SORCS1: variants seen among roughly 807,000 people sequenced by gnomAD.
The protein encoded by SORCS1 is sortilin related VPS10 domain containing receptor 1.
A neutral mutation model predicts 146.1 loss-of-function variants in SORCS1; 60 were observed. The observed-to-expected ratio is 0.41, with a 90% CI of 0.33 to 0.51. The LOEUF is 0.51. Ranked by LOEUF, SORCS1 falls within the 20% of genes least tolerant of loss-of-function variation. SORCS1 has a pLI of 0.21. For missense variants in SORCS1, 1,352 were observed against 1,487.6 expected (o/e 0.91, Z 1.50); for synonymous variants, 637 against 584.0 (o/e 1.09, Z -1.31).
intron 2 of SORCS1, among the ~76,000 whole-genome samples, chr10:106,880,097 G>A (rs1450035858): frequency 6.6e-6 from 1 of 152,202 alleles, no homozygotes; most frequent in African/African-American, 2.4e-5. Flanking sequence ...GGTGGCTAAG[G>A]TGCCTGGAAC....
chr10:106,937,589 C>A (rs1402358208), intron 2 of SORCS1, among the ~76,000 whole-genome samples: 6 of 152,130 alleles, frequency 3.9e-5, no homozygotes, highest in Non-Finnish European at 8.8e-5. Context: ...TGAAGCCTCC[C>A]CAACCATGTG....
intron 2 of SORCS1, among the ~76,000 whole-genome samples, chr10:106,918,054 T>TA (rs1015619570): frequency 8.6e-5 from 13 of 151,844 alleles, no homozygotes; most frequent in Admixed American, 2.0e-4. Flanking sequence ...CATTGTAACT[T>TA]AAAAAAAAAT....
chr10:106,999,084 T>C (rs943706701), intron 1 of SORCS1, among the ~76,000 whole-genome samples: 1 of 152,160 alleles, frequency 6.6e-6, no homozygotes, highest in Non-Finnish European at 1.5e-5. Flanking sequence ...AGACAGGTCC[T>C]AAAATGCCTT....
chr10:106,931,905 C>A (rs192818130), intron 2 of SORCS1, among the ~76,000 whole-genome samples: 3 of 152,130 alleles, frequency 2.0e-5, no homozygotes, highest in Non-Finnish European at 4.4e-5. Context: ...GAGATAAATG[C>A]ACTGCAAATG....
chr10:107,039,518 T>C (rs1959069896), intron 1 of SORCS1, among the ~76,000 whole-genome samples: 1 of 152,174 alleles, frequency 6.6e-6, no homozygotes, highest in Non-Finnish European at 1.5e-5. Flanking sequence ...TCTGATTCTT[T>C]CCTGCTTCTC....
At chr10:106,620,248 C>CAGAG (rs112818359) in intron 20 of SORCS1, 180 bp downstream of exon 20, 39 of 586,640 alleles carry the variant, frequency 6.6e-5, no homozygotes, top group African/African-American at 7.7e-5. Flanking sequence ...GGAGAGGGGC[C>CAGAG]AGAGAGAGAG....
intron 1 of SORCS1, among the ~76,000 whole-genome samples, chr10:107,075,082 G>T (rs1175978172): frequency 6.6e-6 from 1 of 152,008 alleles, no homozygotes; most frequent in Non-Finnish European, 1.5e-5. Flanking sequence ...AGATACATTT[G>T]CATGGAAAAA....
At chr10:106,633,666 TAAACAAAC>T (rs143314581) in intron 18 of SORCS1, among the ~76,000 whole-genome samples, 34,244 of 151,846 alleles carry the variant, frequency 0.23, 4,709 homozygotes, top group East Asian at 0.51. Flanking sequence ...GATAGTAGAT[TAAACAAAC>T]AAACAAACAA....
At chr10:106,605,217 G>T (rs1242017191) in intron 23 of SORCS1, among the ~76,000 whole-genome samples, 3 of 152,212 alleles carry the variant, frequency 2.0e-5, no homozygotes, top group Non-Finnish European at 4.4e-5. Context: ...GAAACACCCA[G>T]AAGAGACAGA....
chr10:106,922,743 T>C (rs532492862), intron 2 of SORCS1, among the ~76,000 whole-genome samples: 4 of 130,638 alleles, frequency 3.1e-5, no homozygotes, highest in African/African-American at 1.1e-4. Context: ...CCTAGACTTA[T>C]ATATTCTACA....
chr10:107,137,379 ACT>A (rs1304345954), intron 1 of SORCS1, among the ~76,000 whole-genome samples: 1 of 151,770 alleles, frequency 6.6e-6, no homozygotes, highest in Non-Finnish European at 1.5e-5. Context: ...TTCTGACCAG[ACT>A]CTGCATCCTC....
intron 1 of SORCS1, among the ~76,000 whole-genome samples, chr10:106,976,339 T>TTTTTGTTTTTG (rs1554901382): frequency 9.9e-5 from 14 of 140,856 alleles, no homozygotes; most frequent in African/African-American, 3.1e-4. Context: ...TTTTGTTTTT[T>TTTTTGTTTTTG]TTTTTTTTTT....
chr10:106,986,516 G>C (rs1034360319), intron 1 of SORCS1, among the ~76,000 whole-genome samples: 3 of 16,486 alleles, frequency 1.8e-4, no homozygotes, highest in Admixed American at 3.8e-4. Flanking sequence ...ACAACCGTGT[G>C]TGTGTGTGTG....
At chr10:106,591,745 A>T (rs2133275969) in intron 24 of SORCS1, among the ~76,000 whole-genome samples, 1 of 152,242 alleles carries the variant, frequency 6.6e-6, no homozygotes, top group Admixed American at 6.5e-5. Context: ...ACAGATAAAG[A>T]TCTAGAAATC....
chr10:106,909,885 G>A (rs1186831911), intron 2 of SORCS1, among the ~76,000 whole-genome samples: 2 of 152,132 alleles, frequency 1.3e-5, no homozygotes, highest in African/African-American at 2.4e-5. Context: ...TATGCATGTG[G>A]TTGCTGATAT....
Position 106,671,346 on chromosome 10 carries a change from C to A in SORCS1, c.2080G>T (p.Ala694Ser). 5.0e-6 allele frequency: 8 copies of A among 1,614,066 alleles called. No individual in the cohort carries two copies. The highest frequency in any genetic ancestry group is 6.8e-6 in the Non-Finnish European group (8 of 1,179,980). ...HSQGEACIMG[A>S]KRIYKKRKSE... ...TTTCGCTTCTTATATATCCTTTTTG[C>A]TCCCATGATACATGCTTCCCCCTGT... is the stretch of plus-strand genomic sequence containing the variant. The change falls in exon 16 of 26, where the codon GCA becomes TCA. Residue 694 changes from alanine to serine, a missense_variant. Around this residue, in one of 3 missense-constraint regions of SORCS1, gnomAD observed 648 missense variants for 793.8 expected, o/e 0.82. Transcript: ENST00000263054.
chr10:106,889,275 ACT>A (rs1215132116), intron 2 of SORCS1, among the ~76,000 whole-genome samples: 1 of 152,026 alleles, frequency 6.6e-6, no homozygotes, highest in Non-Finnish European at 1.5e-5. Context: ...GCCCCTGCCA[ACT>A]CTCTTTTCAG....
chr10:106,740,683 T>C (rs1454395153), intron 5 of SORCS1, among the ~76,000 whole-genome samples: 1 of 152,216 alleles, frequency 6.6e-6, no homozygotes, highest in Non-Finnish European at 1.5e-5. Flanking sequence ...CTATTAAGTG[T>C]GAGATTGATG....
intron 15 of SORCS1, 105 bp from the exon 16 acceptor site, chr10:106,671,472 A>T (rs559487746): frequency 6.7e-7 from 1 of 1,488,006 alleles, no homozygotes; most frequent in East Asian, 2.3e-5. Flanking sequence ...AGTGTAATGT[A>T]AACTTTGGTA....
Sources: gnomAD v4.1 joint callset for allele counts (sites outside exome capture counted in the v4.1 genomes callset) on GRCh38, gnomAD v4.1.1 for gene constraint, gnomAD v4.1.1 regional missense constraint, MANE v1.5 for transcripts, NCBI Gene and HGNC (gene_info 2026-07-23, HGNC 2026-07-21) for gene names.